Variants in MYRIP observed in about 807,000 individuals in gnomAD.
MYRIP encodes the protein myosin VIIA and Rab interacting protein, also known as rab effector MyRIP.
MYRIP carries 49 observed loss-of-function variants against 98.0 expected under a neutral mutation model. That is an observed-to-expected ratio of 0.50 (90% CI 0.40 to 0.63). MYRIP has a LOEUF of 0.63. Ranked by LOEUF, MYRIP falls within the 30% of genes least tolerant of loss-of-function variation. The pLI is 0.00. For missense variants in MYRIP, 1,004 were observed against 1,058.2 expected, an observed-to-expected ratio of 0.95 and a Z score of 0.71; for synonymous variants, 404 against 409.5, an observed-to-expected ratio of 0.99 and a Z score of 0.16.
chr3:39,841,309 A>G (rs1040150697), intron 1 of MYRIP, among the ~76,000 whole-genome samples: 3 of 151,992 alleles, frequency 2.0e-5, no homozygotes, highest in Non-Finnish European at 2.9e-5. Context: ...CAGGTCACTT[A>G]TGTTCTTCTC....
At chr3:39,960,513 C>G (rs1392876219) in intron 2 of MYRIP, among the ~76,000 whole-genome samples, 1 of 152,006 alleles carries the variant, frequency 6.6e-6, no homozygotes, top group African/African-American at 2.4e-5. Flanking sequence ...GCAAGTTGAC[C>G]TGCTCTCTTG....
intron 2 of MYRIP, among the ~76,000 whole-genome samples, chr3:39,943,257 A>G (rs1697205552): frequency 6.6e-6 from 1 of 152,176 alleles, no homozygotes; most frequent in African/African-American, 2.4e-5. Context: ...TCTTTTCTGT[A>G]TTTTAAACCC....
intron 4 of MYRIP, 145 bp downstream of exon 4, chr3:40,151,329 A>G (rs1559422618): frequency 1.1e-6 from 1 of 877,470 alleles, no homozygotes; most frequent in Non-Finnish European, 1.6e-6. Flanking sequence ...GCAGAAATAG[A>G]AGGACGGATG....
intron 1 of MYRIP, among the ~76,000 whole-genome samples, chr3:39,873,636 A>G (rs1241343209): frequency 1.3e-5 from 2 of 152,098 alleles, no homozygotes; most frequent in Admixed American, 6.5e-5. Flanking sequence ...TTTGTCAAAG[A>G]TCAGATAGTT....
At chr3:40,080,640 C>T (rs534572403) in intron 3 of MYRIP, among the ~76,000 whole-genome samples, 4 of 152,008 alleles carry the variant, frequency 2.6e-5, no homozygotes, top group Non-Finnish European at 4.4e-5. Flanking sequence ...AGTGTGTATG[C>T]ATCTGTCTGC....
At chr3:39,969,091 T>A (rs1445591774) in intron 2 of MYRIP, among the ~76,000 whole-genome samples, 5 of 152,202 alleles carry the variant, frequency 3.3e-5, no homozygotes, top group Non-Finnish European at 5.9e-5. Context: ...GTGGCAATTG[T>A]GAATGGGCTT....
In MYRIP at chr3:39,983,937, A is replaced by T. The variant is rs545300925; in HGVS notation, c.111-60113A>T. Among the ~76,000 whole-genome samples the T allele has an allele frequency of 3.9e-4, 60 of 152,318 alleles. 1 individual carries two copies. The highest frequency in any genetic ancestry group is 1.4e-3 in the African/African-American group (57 of 41,576). On this transcript the variant is annotated intron_variant, in intron 2 of 16. Coordinates refer to ENST00000302541, the MANE Select transcript of MYRIP (RefSeq NM_015460.4). ...TTTTCTTTTGGAAACTGAAAATTAA[A>T]TAATTTACCATATTTTCCTTTTTTG... is the stretch of plus-strand genomic sequence containing the variant.
chr3:40,157,540 C>A (rs1257566800), intron 4 of MYRIP, among the ~76,000 whole-genome samples: 3 of 147,002 alleles, frequency 2.0e-5, no homozygotes, highest in African/African-American at 7.5e-5. Context: ...CCCTCTTTTT[C>A]TATTGATTGG....
intron 1 of MYRIP, among the ~76,000 whole-genome samples, chr3:39,882,636 T>C (rs1373715906): frequency 1.3e-5 from 2 of 152,150 alleles, no homozygotes; most frequent in Non-Finnish European, 2.9e-5. Context: ...GGGCATGTTA[T>C]TTACTTTCTC....
chr3:40,151,284 G>C, intron 4 of MYRIP, 100 bp downstream of exon 4: 1 of 1,298,800 alleles, frequency 7.7e-7, no homozygotes, highest in Non-Finnish European at 1.0e-6. Flanking sequence ...ACCTGGGACA[G>C]ATAAATTTGC....
rs1309756803 is a variant in MYRIP, at chr3:39,873,182, G to T, written c.-30-27605G>T. On this transcript the variant is annotated intron_variant, in intron 1 of 16. Transcript: ENST00000302541. The stretch of plus-strand genomic sequence containing the variant: ...TGTCTTTTGCCCACTTTTTGATGGG[G>T]TTGTTTGTTTTTTTCTTGTACATTT... Among the ~76,000 whole-genome samples, 4 of 152,260 alleles carry T rather than the reference G, an allele frequency of 2.6e-5. No homozygotes were observed. In the East Asian group the frequency reaches 7.7e-4, roughly 29 times the overall value.
chr3:40,159,533 T>C (rs1475031288), intron 4 of MYRIP, among the ~76,000 whole-genome samples: 1 of 151,616 alleles, frequency 6.6e-6, no homozygotes, highest in Non-Finnish European at 1.5e-5. Flanking sequence ...TGAATCTGAA[T>C]GTTGGCCTGC....
chr3:40,055,053 C>T (rs929935504), intron 3 of MYRIP, among the ~76,000 whole-genome samples: 1 of 152,122 alleles, frequency 6.6e-6, no homozygotes, highest in Non-Finnish European at 1.5e-5. Context: ...TAGCAGATGT[C>T]ATCACTGACT....
intron 2 of MYRIP, among the ~76,000 whole-genome samples, chr3:39,923,743 T>C (rs1944355831): frequency 6.6e-6 from 1 of 152,168 alleles, no homozygotes; most frequent in Admixed American, 6.5e-5. Context: ...TTCTTTATCC[T>C]TTTCTAAATA....
At chr3:40,214,176 A>G (rs1952046733) in intron 11 of MYRIP, among the ~76,000 whole-genome samples, 1 of 152,148 alleles carries the variant, frequency 6.6e-6, no homozygotes, top group Non-Finnish European at 1.5e-5. Flanking sequence ...AATCGCAAAT[A>G]CTTACTTTGG....
rs537964198 is a variant in MYRIP, at chr3:39,900,856, G to C, written c.40G>C (p.Glu14Gln). The change falls in exon 2 of 17, where the codon GAA becomes CAA. Residue 14 changes from glutamate (E) to glutamine (Q), a missense_variant. This residue lies in a region of MYRIP where 880 missense variants were observed against 907.7 expected (regional missense o/e 0.97). Coordinates refer to ENST00000302541, the MANE Select transcript of MYRIP (RefSeq NM_015460.4). ...GGACCTGTCTGGTTTGACTGATGAT[G>C]AAACAGAGCATGTTCTTCAGGTGGT... is the stretch of plus-strand genomic sequence containing the variant. ...KLDLSGLTDDETEHVLQVVQR... is the reference protein window; with the variant it reads ...KLDLSGLTDDQTEHVLQVVQR... 3.1e-6 allele frequency: 5 copies of C among 1,613,898 alleles called. No individual in the cohort carries two copies. In the African/African-American group the frequency reaches 6.7e-5, roughly 22 times the overall value.
chr3:40,149,245 G>T (rs960746860), intron 3 of MYRIP, among the ~76,000 whole-genome samples: 19 of 152,320 alleles, frequency 1.2e-4, no homozygotes, highest in African/African-American at 4.6e-4. Context: ...CACATGGTGA[G>T]AGAGGGAGCA....
chr3:40,012,743 C>T lies in MYRIP; in HGVS notation c.111-31307C>T, dbSNP rs543861215. ...CTAGAACATCTCATCTCATCTTTTC[C>T]TGCCCTTGGATTGGGATTTATGCCA... On this transcript the variant is annotated intron_variant, in intron 2 of 16. Transcript: ENST00000302541. Among the ~76,000 whole-genome samples, 4 of 152,312 alleles carry T rather than the reference C, an allele frequency of 2.6e-5. No homozygotes were observed. The South Asian group carries it at 8.3e-4, about 32-fold the overall frequency.
intron 3 of MYRIP, among the ~76,000 whole-genome samples, chr3:40,079,575 T>C (rs1021702058): frequency 2.6e-5 from 4 of 152,218 alleles, no homozygotes; most frequent in African/African-American, 9.7e-5. Context: ...CTTTTCCTCG[T>C]TGTACACAAG....
Sources: gnomAD v4.1 joint callset for allele counts (sites outside exome capture counted in the v4.1 genomes callset) on GRCh38, gnomAD v4.1.1 for gene constraint, gnomAD v4.1.1 regional missense constraint, MANE v1.5 for transcripts, NCBI Gene and HGNC (gene_info 2026-07-23, HGNC 2026-07-21) for gene names.